PAX3: variants seen among roughly 807,000 people sequenced by gnomAD.
The protein encoded by PAX3 is paired box protein Pax-3.
Under a neutral mutation model 51.6 loss-of-function variants are expected in PAX3, and 14 were observed. The observed-to-expected ratio is 0.27, with a 90% CI of 0.18 to 0.42. The LOEUF (loss-of-function observed/expected upper bound fraction) is 0.42. Ranked by LOEUF, PAX3 falls within the 10% of genes least tolerant of loss-of-function variation. The probability of loss-of-function intolerance (pLI) is 1.00; values close to 1 mark genes in which losing one functional copy is unlikely to be tolerated. For missense variants in PAX3, 540 were observed against 642.8 expected (o/e 0.84, Z 1.73); for synonymous variants, 280 against 253.4 (o/e 1.11, Z -1.00).
At position 222,201,250 on chromosome 2, in the gene PAX3, G is replaced by A. The variant is rs1248141721; in HGVS notation, c.*158C>T. The A allele has an allele frequency of 1.9e-6, 3 of 1,613,862 alleles. No homozygotes were observed. Among genetic ancestry groups the A allele is most frequent in the South Asian group, 1.1e-5 (1 of 91,076 alleles). On this transcript the variant is annotated 3_prime_UTR_variant, in exon 9 of 9. Transcript: ENST00000392070. The stretch of plus-strand genomic sequence containing the variant: ...AAGGATTTGAAACCAACTATTGGAG[G>A]AAGAAAATCAATCACTCTCCTTTGT...
Position 222,297,213 on chromosome 2 carries a change from A to C in PAX3, c.86T>G (p.Val29Gly). The C allele has an allele frequency of 6.4e-7, 1 of 1,569,044 alleles. No individual in the cohort carries two copies. The highest frequency in any genetic ancestry group is 8.7e-7 in the Non-Finnish European group (1 of 1,155,578). The change falls in exon 2 of 9, where the codon GTG becomes GGG. Residue 29 changes from valine to glycine, a missense_variant and splice_region_variant. Physicochemically the swap from Val to Gly is moderately radical, Grantham distance 109 (BLOSUM62 -3). Around this residue, in one of 3 missense-constraint regions of PAX3, gnomAD observed 63 missense variants for 49.9 expected, o/e 1.26. Coordinates refer to ENST00000392070, the MANE Select transcript of PAX3 (RefSeq NM_181458.4). ...GCGGCCCTGGCCGAGGGGAGTGGAC[A>C]CTGTGGGAAGGTGAAAAAGAGAAGC... ...NYPRSGFPLEVSTPLGQGRVN... is the reference protein window; with the variant it reads ...NYPRSGFPLEGSTPLGQGRVN...
intron 4 of PAX3, among the ~76,000 whole-genome samples, chr2:222,255,110 G>A (rs1693590071): frequency 6.6e-6 from 1 of 152,178 alleles, no homozygotes; most frequent in African/African-American, 2.4e-5. Flanking sequence ...TCAGGAAGTT[G>A]GCAGGGCAAG....
chr2:222,282,600 C>T (rs1220134316), intron 4 of PAX3, among the ~76,000 whole-genome samples: 1 of 152,092 alleles, frequency 6.6e-6, no homozygotes, highest in Non-Finnish European at 1.5e-5. Flanking sequence ...GACAATTTTT[C>T]TTTTGTAAGT....
intron 4 of PAX3, among the ~76,000 whole-genome samples, chr2:222,271,432 CAT>C (rs1248054486): frequency 6.6e-6 from 1 of 152,216 alleles, no homozygotes; most frequent in Non-Finnish European, 1.5e-5. Context: ...CCATCCCAAA[CAT>C]AGTAATAATG....
chr2:222,252,408 A>G (rs1318972019), intron 4 of PAX3, among the ~76,000 whole-genome samples: 6 of 152,220 alleles, frequency 3.9e-5, no homozygotes, highest in Non-Finnish European at 8.8e-5. Context: ...CCCATTTTAC[A>G]GATTGAAAAA....
intron 4 of PAX3, among the ~76,000 whole-genome samples, chr2:222,277,866 GGAGGCTGCAGT>G (rs925824773): frequency 2.0e-5 from 3 of 151,264 alleles, no homozygotes; most frequent in African/African-American, 7.3e-5. Flanking sequence ...CCCAGAAGGC[GGAGGCTGCAGT>G]GAGCTGAGAT....
chr2:222,215,454 C>CTGT (rs989884323), intron 7 of PAX3, among the ~76,000 whole-genome samples: 1 of 151,918 alleles, frequency 6.6e-6, no homozygotes, highest in Non-Finnish European at 1.5e-5. Context: ...TCTTTAGAAA[C>CTGT]TGTTACCAAA....
At chr2:222,211,121 G>A (rs748923781) in intron 7 of PAX3, among the ~76,000 whole-genome samples, 1 of 152,048 alleles carries the variant, frequency 6.6e-6, no homozygotes, top group Non-Finnish European at 1.5e-5. Flanking sequence ...ACCTCAGCCT[G>A]CCAAAGTCCT....
At chr2:222,216,591 C>A (rs758205483) in intron 7 of PAX3, among the ~76,000 whole-genome samples, 14 of 152,312 alleles carry the variant, frequency 9.2e-5, no homozygotes, top group Admixed American at 2.0e-4. Context: ...GAGGAAAGGA[C>A]TGAGGGCATC....
Position 222,202,712 on chromosome 2 carries a change from T to C in PAX3, c.1174-522A>G, listed in dbSNP as rs191011784. Among the ~76,000 whole-genome samples the C allele has an allele frequency of 2.6e-5, 4 of 151,860 alleles. No homozygotes were observed. The East Asian group carries it at 5.9e-4, about 22-fold the overall frequency. On this transcript the variant is annotated intron_variant, in intron 7 of 8. Coordinates refer to ENST00000392070, the MANE Select transcript of PAX3 (RefSeq NM_181458.4). ...TGTGCCTTTTTTTTTTTAAATAGTG[T>C]TCCCTCTCAAGAAAGCCCCTTTCCT...
At chr2:222,253,590 A>G (rs1001120968) in intron 4 of PAX3, among the ~76,000 whole-genome samples, 2 of 152,084 alleles carry the variant, frequency 1.3e-5, no homozygotes, top group Non-Finnish European at 2.9e-5. Context: ...TTTCCCAAGA[A>G]AAAAATAAGT....
intron 5 of PAX3, among the ~76,000 whole-genome samples, chr2:222,222,647 G>A (rs753075219): frequency 6.6e-6 from 1 of 152,076 alleles, no homozygotes; most frequent in Non-Finnish European, 1.5e-5. Context: ...CACCCGCCTC[G>A]ACCTCCCAAA....
chr2:222,236,314 A>G (rs1345241201), intron 4 of PAX3, among the ~76,000 whole-genome samples: 1 of 152,110 alleles, frequency 6.6e-6, no homozygotes, highest in Non-Finnish European at 1.5e-5. Flanking sequence ...GGCTGGTCTT[A>G]AACTCCTGGG....
intron 7 of PAX3, among the ~76,000 whole-genome samples, chr2:222,208,787 AC>A: frequency 6.6e-6 from 1 of 152,126 alleles, no homozygotes; most frequent in African/African-American, 2.4e-5. Flanking sequence ...ATATTACTTG[AC>A]CCTTTGAGAC....
chr2:222,245,834 A>G (rs1693208117), intron 4 of PAX3, among the ~76,000 whole-genome samples: 1 of 137,310 alleles, frequency 7.3e-6, no homozygotes, highest in Admixed American at 7.4e-5. Context: ...AAAAAAAATT[A>G]GCCGGGTGTA....
chr2:222,211,895 C>T (rs900105514), intron 7 of PAX3, among the ~76,000 whole-genome samples: 1 of 152,130 alleles, frequency 6.6e-6, no homozygotes, highest in Admixed American at 6.6e-5. Flanking sequence ...CTTCAGAATA[C>T]TTTTCTCTCA....
At position 222,295,710 on chromosome 2, in the gene PAX3, G is replaced by A. The variant is rs949738274; in HGVS notation, c.322-53C>T. The A allele has an allele frequency of 1.9e-6, 3 of 1,610,012 alleles. No homozygotes were observed. In the African/African-American group the frequency reaches 4.0e-5, roughly 22 times the overall value. ...GGTACCCGGTACCCTGGGCCAGGTG[G>A]CGGCGGCCCCACCGCCTCTGGGCCT... On this transcript the variant is annotated intron_variant, in intron 2 of 8. Coordinates refer to ENST00000392070, the MANE Select transcript of PAX3 (RefSeq NM_181458.4).
At chr2:222,256,250 G>T (rs1016294397) in intron 4 of PAX3, among the ~76,000 whole-genome samples, 1 of 152,082 alleles carries the variant, frequency 6.6e-6, no homozygotes, top group Non-Finnish European at 1.5e-5. Context: ...ATCCTTGTAA[G>T]GGTTTTCAGA....
intron 4 of PAX3, chr2:222,233,079 C>CAAA (rs71053063): frequency 1.6e-4 from 11 of 67,964 alleles, no homozygotes; most frequent in African/African-American, 7.7e-4. Flanking sequence ...AAAGCCAATG[C>CAAA]AAAAAAAAAA....
Sources: allele counts gnomAD v4.1 joint callset (sites outside exome capture counted in the v4.1 genomes callset), GRCh38; gene constraint gnomAD v4.1.1; regional missense constraint gnomAD v4.1.1; transcripts MANE v1.5; gene names NCBI Gene and HGNC (gene_info 2026-07-23, HGNC 2026-07-21).